The following INPP4B variants were observed in gnomAD, a reference collection of about 807,000 sequenced individuals.
The protein encoded by INPP4B is inositol polyphosphate 4-phosphatase type II.
Under a neutral mutation model 122.5 loss-of-function variants are expected in INPP4B, and 55 were observed. The ratio of observed to expected loss-of-function variants is 0.45; its 90% CI spans 0.36 to 0.56. The LOEUF (loss-of-function observed/expected upper bound fraction) is 0.56. INPP4B is among the 20% of genes least tolerant of loss of function. The pLI, the probability that INPP4B is intolerant of heterozygous loss-of-function variation, is 0.00. For synonymous variants in INPP4B, 403 were observed against 388.7 expected (o/e 1.04, Z -0.43); for missense variants, 1,000 against 1,097.7 (o/e 0.91, Z 1.26).
At chr4:142,205,514 C>G (rs1392206596) in intron 14 of INPP4B, among the ~76,000 whole-genome samples, 1 of 152,094 alleles carries the variant, frequency 6.6e-6, no homozygotes, top group Non-Finnish European at 1.5e-5. Flanking sequence ...TCAATTTTCT[C>G]CAATTTCATC....
intron 7 of INPP4B, among the ~76,000 whole-genome samples, chr4:142,330,537 GCACACA>G (rs1774073846): frequency 6.6e-6 from 1 of 151,958 alleles, no homozygotes; most frequent in Non-Finnish European, 1.5e-5. Flanking sequence ...GTGCACACAC[GCACACA>G]CATACACGCG....
chr4:142,350,407 A>C (rs1339359741), intron 7 of INPP4B, among the ~76,000 whole-genome samples: 1 of 151,926 alleles, frequency 6.6e-6, no homozygotes. Flanking sequence ...TCTTCCAATT[A>C]TTTTCTTTGG....
At chr4:142,534,542 A>T (rs1827967479) in intron 2 of INPP4B, among the ~76,000 whole-genome samples, 1 of 152,142 alleles carries the variant, frequency 6.6e-6, no homozygotes, top group Non-Finnish European at 1.5e-5. Context: ...TGTGAGAAAT[A>T]AATTTCTGTT....
chr4:142,680,806 G>A (rs901700205), intron 2 of INPP4B, among the ~76,000 whole-genome samples: 10 of 151,720 alleles, frequency 6.6e-5, no homozygotes, highest in Non-Finnish European at 8.8e-5. Context: ...TTAGGACTAG[G>A]TTCTTGAAAC....
At chr4:142,501,221 A>G (rs1409910058) in intron 2 of INPP4B, among the ~76,000 whole-genome samples, 1 of 152,186 alleles carries the variant, frequency 6.6e-6, no homozygotes, top group Non-Finnish European at 1.5e-5. Flanking sequence ...CATTTATAAC[A>G]GGCCTACAAA....
intron 2 of INPP4B, among the ~76,000 whole-genome samples, chr4:142,643,322 A>G (rs974273054): frequency 1.3e-5 from 2 of 152,206 alleles, no homozygotes; most frequent in African/African-American, 4.8e-5. Flanking sequence ...TATAATATTT[A>G]TATACAGGGA....
chr4:142,336,907 G>A (rs1776810228), intron 7 of INPP4B, among the ~76,000 whole-genome samples: 1 of 152,198 alleles, frequency 6.6e-6, no homozygotes, highest in Non-Finnish European at 1.5e-5. Context: ...TCTTTTCTGA[G>A]ACTTTCTCCT....
chr4:142,564,685 G>A (rs1261987366), intron 2 of INPP4B, among the ~76,000 whole-genome samples: 2 of 151,876 alleles, frequency 1.3e-5, no homozygotes, highest in Admixed American at 6.6e-5. Flanking sequence ...CAGACTTTGG[G>A]CTTTAAATTT....
intron 25 of INPP4B, among the ~76,000 whole-genome samples, chr4:142,042,518 GTA>G (rs796967827): frequency 0.2 from 8,494 of 42,564 alleles, 325 homozygotes; most frequent in Non-Finnish European, 0.23. Flanking sequence ...ATGTGTGTGT[GTA>G]TGTATGTATG....
At chr4:142,137,292 C>T (rs1197738124) in intron 18 of INPP4B, among the ~76,000 whole-genome samples, 2 of 146,452 alleles carry the variant, frequency 1.4e-5, no homozygotes, top group Non-Finnish European at 3.0e-5. Flanking sequence ...GGAAAGGATT[C>T]CCTATTTAAT....
chr4:142,149,494 C>T (rs900726031), intron 17 of INPP4B, among the ~76,000 whole-genome samples: 1 of 152,220 alleles, frequency 6.6e-6, no homozygotes, highest in South Asian at 2.1e-4. Flanking sequence ...AGACTTGATT[C>T]TTCCACTGTG....
At chr4:142,263,428 A>G (rs1258537003) in intron 10 of INPP4B, among the ~76,000 whole-genome samples, 1 of 151,790 alleles carries the variant, frequency 6.6e-6, no homozygotes, top group Non-Finnish European at 1.5e-5. Flanking sequence ...ATTGTTATGG[A>G]GTTATACGCA....
chr4:142,783,518 A>G (rs910293208), intron 1 of INPP4B, among the ~76,000 whole-genome samples: 1 of 152,114 alleles, frequency 6.6e-6, no homozygotes, highest in African/African-American at 2.4e-5. Flanking sequence ...CACCACGCAT[A>G]GACAGTTTTT....
intron 2 of INPP4B, among the ~76,000 whole-genome samples, chr4:142,645,971 C>A (rs913914436): frequency 2.0e-5 from 3 of 152,106 alleles, no homozygotes; most frequent in African/African-American, 4.8e-5. Flanking sequence ...GTTATACAAT[C>A]AGAAAGAGAC....
chr4:142,131,517 TG>T (rs1561230759), intron 18 of INPP4B, among the ~76,000 whole-genome samples: 2 of 152,250 alleles, frequency 1.3e-5, no homozygotes, highest in African/African-American at 2.4e-5. Flanking sequence ...ATGCATGAAA[TG>T]TGTAGTTGCA....
At chr4:142,250,306 T>C (rs1206127210) in intron 11 of INPP4B, among the ~76,000 whole-genome samples, 1 of 152,212 alleles carries the variant, frequency 6.6e-6, no homozygotes, top group Non-Finnish European at 1.5e-5. Context: ...AACTTCCTGA[T>C]TTATACCAAA....
At chr4:142,650,096 A>C (rs1752621166) in intron 2 of INPP4B, among the ~76,000 whole-genome samples, 1 of 152,236 alleles carries the variant, frequency 6.6e-6, no homozygotes, top group African/African-American at 2.4e-5. Context: ...TCAACCCAGA[A>C]TTTCACATCC....
chr4:142,773,884 A>G (rs1044031366), intron 1 of INPP4B, among the ~76,000 whole-genome samples: 1 of 152,184 alleles, frequency 6.6e-6, no homozygotes, highest in African/African-American at 2.4e-5. Context: ...GTTCCCATGG[A>G]TAACAGTAGC....
At chr4:142,304,020 T>C (rs1762458671) in intron 9 of INPP4B, among the ~76,000 whole-genome samples, 1 of 152,112 alleles carries the variant, frequency 6.6e-6, no homozygotes, top group South Asian at 2.1e-4. Context: ...CTGATGTTAA[T>C]GACTGTTATG....
Sources: gnomAD v4.1 joint callset for allele counts (sites outside exome capture counted in the v4.1 genomes callset) on GRCh38, gnomAD v4.1.1 for gene constraint, MANE v1.5 for transcripts, NCBI Gene and HGNC (gene_info 2026-07-23, HGNC 2026-07-21) for gene names.